The following DIAPH3 variants were observed in gnomAD, a reference collection of about 807,000 sequenced individuals.
DIAPH3 encodes the protein protein diaphanous homolog 3.
A neutral mutation model predicts 144.3 loss-of-function variants in DIAPH3; 117 were observed. That is an observed-to-expected ratio of 0.81 (90% CI 0.70 to 0.95). The LOEUF (loss-of-function observed/expected upper bound fraction) is 0.95, where lower values mean the gene tolerates loss of function less well. DIAPH3 is among the 40% of genes least tolerant of loss of function. The probability of loss-of-function intolerance (pLI) is 0.00; values close to 1 mark genes in which losing one functional copy is unlikely to be tolerated. For synonymous variants in DIAPH3, 519 were observed against 488.9 expected (o/e 1.06, Z -0.81); for missense variants, 1,421 against 1,412.7 (o/e 1.01, Z -0.09).
Position 59,666,619 on chromosome 13 carries a change from C to CTAT in DIAPH3, c.3546_3547insATA (p.Glu1182_Val1183insIle), listed in dbSNP as rs748513164. 1 of 1,614,012 alleles carries CTAT rather than the reference C, an allele frequency of 6.2e-7. No homozygotes were observed. Among genetic ancestry groups the CTAT allele is most frequent in the African/African-American group, 1.3e-5 (1 of 74,920 alleles). Reference sequence around the variant, plus strand: ...CGTAATCTTGCCAGCAGGGCTTCAACTTCGGGAACTGATTCATTTTTAGAA... The same window carrying CTAT: ...CGTAATCTTGCCAGCAGGGCTTCAACTATTTCGGGAACTGATTCATTTTTAGAA... On this transcript the variant is annotated inframe_insertion, in exon 28 of 28. Coordinates refer to ENST00000400324, the MANE Select transcript of DIAPH3 (RefSeq NM_001042517.2).
At chr13:59,783,536 T>C (rs73541187) in intron 25 of DIAPH3, among the ~76,000 whole-genome samples, 252 of 152,298 alleles carry the variant, frequency 1.7e-3, no homozygotes, top group African/African-American at 5.8e-3. Flanking sequence ...CTTAGAAGCA[T>C]AGGTCGTACC....
chr13:59,891,203 C>T (rs1353952611), intron 20 of DIAPH3, among the ~76,000 whole-genome samples: 1 of 151,924 alleles, frequency 6.6e-6, no homozygotes, highest in Non-Finnish European at 1.5e-5. Flanking sequence ...AACCTTAAAA[C>T]AATGTTGTTT....
chr13:59,899,217 A>G (rs1009382072), intron 20 of DIAPH3, among the ~76,000 whole-genome samples: 2 of 152,076 alleles, frequency 1.3e-5, no homozygotes, highest in Non-Finnish European at 2.9e-5. Context: ...CAGATAGCCT[A>G]TTGTGGGACC....
At chr13:59,725,746 T>A (rs2035575714) in intron 27 of DIAPH3, among the ~76,000 whole-genome samples, 1 of 152,210 alleles carries the variant, frequency 6.6e-6, no homozygotes, top group Admixed American at 6.5e-5. Flanking sequence ...AATTAGACCT[T>A]GCAAGCCTGA....
chr13:60,062,719 A>G (rs1404545210), intron 4 of DIAPH3, among the ~76,000 whole-genome samples: 1 of 152,196 alleles, frequency 6.6e-6, no homozygotes. Context: ...AAAGTGAGTC[A>G]CGTGAACTTT....
chr13:59,954,146 CAA>C (rs2140455499), intron 17 of DIAPH3, among the ~76,000 whole-genome samples: 1 of 152,218 alleles, frequency 6.6e-6, no homozygotes, highest in South Asian at 2.1e-4. Context: ...GAGGAAAGAA[CAA>C]AAGTTATGAA....
chr13:60,141,951 A>G (rs375259014), intron 1 of DIAPH3, among the ~76,000 whole-genome samples: 2 of 152,138 alleles, frequency 1.3e-5, no homozygotes, highest in African/African-American at 4.8e-5. Flanking sequence ...ATCTATATGG[A>G]TGGGCAGGGG....
intron 14 of DIAPH3, among the ~76,000 whole-genome samples, chr13:59,978,089 T>C (rs570425258): frequency 1.3e-5 from 2 of 151,802 alleles, no homozygotes; most frequent in Non-Finnish European, 3.0e-5. Flanking sequence ...ACCATACCAA[T>C]TGCACACTGT....
intron 3 of DIAPH3, among the ~76,000 whole-genome samples, chr13:60,094,286 A>G (rs2058041287): frequency 6.6e-6 from 1 of 152,208 alleles, no homozygotes; most frequent in Non-Finnish European, 1.5e-5. Context: ...AATGTTCTAA[A>G]TTACATAAAA....
chr13:59,815,772 TA>T (rs1044419391), intron 24 of DIAPH3, among the ~76,000 whole-genome samples: 29 of 152,132 alleles, frequency 1.9e-4, no homozygotes, highest in Non-Finnish European at 2.9e-4. Flanking sequence ...ATGTAATTTT[TA>T]TATATGCTAC....
At chr13:60,088,572 T>A (rs1035823197) in intron 4 of DIAPH3, among the ~76,000 whole-genome samples, 1 of 152,108 alleles carries the variant, frequency 6.6e-6, no homozygotes, top group Admixed American at 6.5e-5. Flanking sequence ...GAACGGCAAA[T>A]AGAAGACTCC....
At chr13:59,770,401 T>G (rs2038064128) in intron 27 of DIAPH3, among the ~76,000 whole-genome samples, 1 of 152,154 alleles carries the variant, frequency 6.6e-6, no homozygotes, top group African/African-American at 2.4e-5. Context: ...AAGACAGATA[T>G]GCTCCTTTAT....
chr13:59,761,899 T>C (rs1389308222), intron 27 of DIAPH3, among the ~76,000 whole-genome samples: 1 of 151,996 alleles, frequency 6.6e-6, no homozygotes, highest in Non-Finnish European at 1.5e-5. Flanking sequence ...TATATCTTAA[T>C]ACAGATAAAC....
chr13:60,134,837 G>A (rs1380168726), intron 1 of DIAPH3, among the ~76,000 whole-genome samples: 1 of 152,060 alleles, frequency 6.6e-6, no homozygotes, highest in African/African-American at 2.4e-5. Flanking sequence ...CCACAATAAA[G>A]AGAAAAACAT....
Position 59,762,867 on chromosome 13 carries a change from G to A in DIAPH3, c.3319+11322C>T, listed in dbSNP as rs75479753. 2.7e-3 allele frequency among the ~76,000 whole-genome samples: 416 copies of A among 152,196 alleles called. 3 individuals carry two copies. The highest frequency in any genetic ancestry group is 9.5e-3 in the African/African-American group (396 of 41,512). ...AGGCGTCTGTCTTAGTTAATGGGTTGATGCCATTATTGTGAGAATAGTTTC... is the reference window on the plus strand; with the variant it reads ...AGGCGTCTGTCTTAGTTAATGGGTTAATGCCATTATTGTGAGAATAGTTTC... On this transcript the variant is annotated intron_variant, in intron 27 of 27. Coordinates refer to ENST00000400324, the MANE Select transcript of DIAPH3 (RefSeq NM_001042517.2).
chr13:59,817,602 T>G (rs1190606694), intron 24 of DIAPH3, among the ~76,000 whole-genome samples: 1 of 151,928 alleles, frequency 6.6e-6, no homozygotes, highest in East Asian at 1.9e-4. Context: ...AGATTTTATT[T>G]TTTATACGAT....
chr13:60,129,196 A>C (rs2138206292), intron 2 of DIAPH3, among the ~76,000 whole-genome samples: 1 of 152,256 alleles, frequency 6.6e-6, no homozygotes, highest in African/African-American at 2.4e-5. Flanking sequence ...ATGTCTTCCA[A>C]CTTACCTTTT....
chr13:60,095,221 G>T (rs1369412603), intron 3 of DIAPH3, among the ~76,000 whole-genome samples: 1 of 152,122 alleles, frequency 6.6e-6, no homozygotes, highest in Non-Finnish European at 1.5e-5. Flanking sequence ...TGCAGGACAG[G>T]TGAGCCCCAA....
At chr13:59,960,212 A>G (rs1410805759) in intron 17 of DIAPH3, among the ~76,000 whole-genome samples, 2 of 152,242 alleles carry the variant, frequency 1.3e-5, no homozygotes, top group Non-Finnish European at 2.9e-5. Flanking sequence ...CTAGTAGGGA[A>G]GTATAAATAT....
Sources: gnomAD v4.1 joint callset for allele counts (sites outside exome capture counted in the v4.1 genomes callset) on GRCh38, gnomAD v4.1.1 for gene constraint, MANE v1.5 for transcripts, NCBI Gene and HGNC (gene_info 2026-07-23, HGNC 2026-07-21) for gene names.